Variants in PHF8 observed in about 807,000 individuals in gnomAD.
The protein encoded by PHF8 is PHD finger protein 8.
In PHF8, 9 loss-of-function variants were observed where a neutral mutation model predicts 74.4. The observed-to-expected ratio is 0.12, with a 90% CI of 0.07 to 0.21. The LOEUF is 0.21. Ranked by LOEUF, PHF8 falls within the 10% of genes least tolerant of loss-of-function variation. The pLI is 1.00. For synonymous variants in PHF8, 311 were observed against 316.6 expected (o/e 0.98, Z 0.19); for missense variants, 478 against 816.6 (o/e 0.59, Z 5.05).
intron 19 of PHF8, 67 bp downstream of exon 19, chrX:53,962,777 C>T (rs999289906): frequency 2.4e-5 from 15 of 615,658 alleles, no homozygotes; most frequent in African/African-American, 1.5e-4. Flanking sequence ...TATTAAATAT[C>T]CCACCTACCT....
In PHF8 at chrX:54,011,205, T is replaced by A; in HGVS notation, c.863A>T (p.Gln288Leu). The change falls in exon 8 of 22, where the codon CAG (glutamine) becomes CTG (leucine). Residue 288 changes from glutamine (Q) to leucine (L), a missense_variant. This residue lies in a region of PHF8 where 70 missense variants were observed against 234.1 expected (regional missense o/e 0.30). Transcript: ENST00000338154. ...LFECWSSSSN[Q>L]NEMFFGDQVD... ...CTGGTCCCCAAAGAACATCTCATTC[T>A]GATTAGAGGAACTGCTCCAGCACTC... is the stretch of plus-strand genomic sequence containing the variant. The A allele has an allele frequency of 1.7e-6, 2 of 1,206,531 alleles. No homozygotes were observed. Among genetic ancestry groups the A allele is most frequent in the Non-Finnish European group, 2.2e-6 (2 of 890,570 alleles).
intron 18 of PHF8, among the ~76,000 whole-genome samples, chrX:53,968,750 A>T (rs1326637963): frequency 9.0e-6 from 1 of 111,060 alleles, no homozygotes; most frequent in Non-Finnish European, 1.9e-5. Context: ...CTCTACTAAA[A>T]ATACAAAAAA....
upstream of PHF8, among the ~76,000 whole-genome samples, chrX:54,048,324 TAACAA>T (rs781894974): frequency 2.1e-4 from 23 of 111,622 alleles, no homozygotes; most frequent in Non-Finnish European, 3.6e-4. Context: ...TCTAATAAAT[TAACAA>T]AACAAGGAGG....
chrX:54,015,393 A>G (rs1017954739), intron 6 of PHF8, among the ~76,000 whole-genome samples: 17 of 109,264 alleles, frequency 1.6e-4, no homozygotes, highest in African/African-American at 3.3e-4. Flanking sequence ...TGGCTAACAC[A>G]GTGAAACCCC....
At position 53,959,471 on chromosome X, in the gene PHF8, C is replaced by T. The variant is rs926394808; in HGVS notation, c.2539+3373G>A. 2.7e-5 allele frequency among the ~76,000 whole-genome samples: 3 copies of T among 110,952 alleles called. No individual in the cohort carries two copies. The East Asian group carries it at 8.4e-4, about 31-fold the overall frequency. On this transcript the variant is annotated intron_variant, in intron 19 of 21. Coordinates refer to ENST00000338154, the MANE Select transcript of PHF8 (RefSeq NM_015107.3). ...TGAGTTACTTTACTAACTCACCCTT[C>T]AAAATTCAGCTTTAGATTTACTTCC...
chrX:54,003,097 T>C (rs1185838478), intron 8 of PHF8, among the ~76,000 whole-genome samples: 1 of 112,138 alleles, frequency 8.9e-6, no homozygotes, highest in Non-Finnish European at 1.9e-5. Flanking sequence ...CTAAACATTT[T>C]TGAAAACAGT....
intron 6 of PHF8, among the ~76,000 whole-genome samples, 156 bp from the exon 7 acceptor site, chrX:54,014,719 T>G (rs11797530): frequency 0.019 from 2,119 of 111,202 alleles, 48 homozygotes; most frequent in Admixed American, 0.083. Flanking sequence ...TTATTTCTGT[T>G]CTGTAAGTCT....
At chrX:54,020,815 C>A (rs905394394) in intron 4 of PHF8, among the ~76,000 whole-genome samples, 1 of 111,331 alleles carries the variant, frequency 9.0e-6, no homozygotes, top group African/African-American at 3.3e-5. Flanking sequence ...GCCTGCAGAG[C>A]AAAGGGAATA....
intron 6 of PHF8, among the ~76,000 whole-genome samples, chrX:54,015,342 C>T (rs2066045873): frequency 9.1e-6 from 1 of 110,426 alleles, no homozygotes; most frequent in African/African-American, 3.3e-5. Context: ...TTTGGGAGGC[C>T]GAGGTGGGTG....
rs782078185 is a variant in PHF8, at chrX:54,022,762, G to A, written c.180C>T (p.Ser60=). ...CPNCEVLHGP[S]IMKKRRGSSK... is the part of the protein sequence containing the mutation. ...GAAACCCTAAGATCTACTTACTAATGGAGGGCCCATGCAAGACTTCACAGT... is the reference window on the plus strand; with the variant it reads ...GAAACCCTAAGATCTACTTACTAATAGAGGGCCCATGCAAGACTTCACAGT... The change falls in exon 3 of 22, where the codon TCC becomes TCT. Residue 60 remains serine (S), a synonymous_variant. Transcript: ENST00000338154. 4.3e-6 allele frequency: 5 copies of A among 1,149,924 alleles called. No individual in the cohort carries two copies. The highest frequency in any genetic ancestry group is 5.9e-6 in the Non-Finnish European group (5 of 840,971). 94.8% of individuals were successfully genotyped at this position (1,149,924 alleles called of 1,213,427 possible).
At chrX:54,047,171 A>G (rs2066638582), upstream of PHF8, among the ~76,000 whole-genome samples, 1 of 112,172 alleles carries the variant, frequency 8.9e-6, no homozygotes, top group Non-Finnish European at 1.9e-5. Context: ...AAATTGGTCC[A>G]GGATAGTTTG....
intron 2 of PHF8, among the ~76,000 whole-genome samples, chrX:54,030,293 A>T (rs2066333636): frequency 9.0e-6 from 1 of 111,496 alleles, no homozygotes. Context: ...CAAATGAAAA[A>T]TCGGGCTTCT....
At position 54,043,868 on chromosome X, in the gene PHF8, G is replaced by A; in HGVS notation, c.-199C>T. On this transcript the variant is annotated 5_prime_UTR_variant, in exon 1 of 22. Transcript: ENST00000338154. ...CAGGGACCTCCTCATGCTTTGGGCT[G>A]CAAGGACTCCACGCCCGCGGAGCTC... 1.3e-6 allele frequency: 1 copy of A among 753,525 alleles called. No homozygotes were observed. Among genetic ancestry groups the A allele is most frequent in the South Asian group, 6.7e-5 (1 of 14,882 alleles). The allele number at this position is 753,525 out of a possible 1,213,427, so 62.1% of individuals were successfully genotyped here. A position where few individuals can be genotyped will look rare whatever the true frequency, so the allele number is the denominator to read the frequency against.
Position 53,937,473 on chromosome X carries a change from T to C in PHF8, c.*1685A>G, listed in dbSNP as rs1367076034. ...CTCTGCTGCCTTGAAATCCCCAAAATAAGCAAAGCTGGGCAGAAACAGAGG... is the reference window on the plus strand; with the variant it reads ...CTCTGCTGCCTTGAAATCCCCAAAACAAGCAAAGCTGGGCAGAAACAGAGG... On this transcript the variant is annotated 3_prime_UTR_variant, in exon 22 of 22. Coordinates refer to ENST00000338154, the MANE Select transcript of PHF8 (RefSeq NM_015107.3). The C allele has an allele frequency of 1.8e-5, 2 of 113,292 alleles. No individual in the cohort carries two copies. Among genetic ancestry groups the C allele is most frequent in the African/African-American group, 6.6e-5 (2 of 30,345 alleles). The allele number at this position is 113,292 out of a possible 1,213,427, so 9.3% of individuals were successfully genotyped here.
chrX:53,966,845 G>A (rs1213770531), intron 18 of PHF8, among the ~76,000 whole-genome samples: 290 of 109,507 alleles, frequency 2.6e-3, no homozygotes, highest in African/African-American at 9.1e-3. Flanking sequence ...CTGCCCGGCC[G>A]CCCATCGTCT....
At chrX:53,979,491 TAA>T (rs1243893089) in intron 18 of PHF8, among the ~76,000 whole-genome samples, 2 of 110,776 alleles carry the variant, frequency 1.8e-5, no homozygotes, top group Non-Finnish European at 3.8e-5. Context: ...ACAGAAAAAT[TAA>T]AAAGAGAATA....
intron 14 of PHF8, among the ~76,000 whole-genome samples, chrX:53,991,600 T>C (rs139661009): frequency 0.011 from 1,165 of 103,685 alleles, 21 homozygotes; most frequent in African/African-American, 0.039. Flanking sequence ...AGGGCAGAGG[T>C]TGCAGTGAGC....
At chrX:54,046,394 C>T (rs1373104935), upstream of PHF8, among the ~76,000 whole-genome samples, 1 of 109,504 alleles carries the variant, frequency 9.1e-6, no homozygotes, top group Non-Finnish European at 1.9e-5. Context: ...ACCAGCCTGG[C>T]CAACATGGTG....
chrX:54,011,862 C>CAAAAAAAAAAAA (rs11397654), intron 7 of PHF8, among the ~76,000 whole-genome samples: 1 of 40,066 alleles, frequency 2.5e-5, no homozygotes, highest in African/African-American at 7.4e-5. Context: ...GATAATTTGG[C>CAAAAAAAAAAAA]AAAAAAAAAA....
Sources: allele counts gnomAD v4.1 joint callset (sites outside exome capture counted in the v4.1 genomes callset), GRCh38; gene constraint gnomAD v4.1.1; regional missense constraint gnomAD v4.1.1; transcripts MANE v1.5; gene names NCBI Gene and HGNC (gene_info 2026-07-23, HGNC 2026-07-21).